ZNF385D: variants seen among roughly 807,000 people sequenced by gnomAD.
The protein encoded by ZNF385D is zinc finger protein 659.
Under a neutral mutation model 35.8 loss-of-function variants are expected in ZNF385D, and 15 were observed. That is an observed-to-expected ratio of 0.42 (90% confidence interval 0.28 to 0.64). The LOEUF (loss-of-function observed/expected upper bound fraction) is 0.64. ZNF385D is among the 30% of genes least tolerant of loss of function. The probability of loss-of-function intolerance (pLI) is 0.23; values close to 1 mark genes in which losing one functional copy is unlikely to be tolerated. For synonymous variants in ZNF385D, 212 were observed against 186.8 expected, an observed-to-expected ratio of 1.13 and a Z score of -1.10; for missense variants, 474 against 494.6, an observed-to-expected ratio of 0.96 and a Z score of 0.39.
chr3:21,432,950 G>A (rs114589794), intron 5 of ZNF385D, among the ~76,000 whole-genome samples: 1,757 of 150,612 alleles, frequency 0.012, 27 homozygotes, highest in African/African-American at 0.04. Context: ...AATAATGCCA[G>A]GAGCAGCTGT....
chr3:22,180,914 C>CTTTTTT (rs61668943), intron 2 of ZNF385D, among the ~76,000 whole-genome samples: 5 of 112,966 alleles, frequency 4.4e-5, no homozygotes, highest in African/African-American at 1.3e-4. Flanking sequence ...TGCTTTTGTT[C>CTTTTTT]TTTTTTTTTT....
At chr3:21,972,450 G>A (rs930790381) in intron 3 of ZNF385D, among the ~76,000 whole-genome samples, 3 of 151,850 alleles carry the variant, frequency 2.0e-5, no homozygotes, top group African/African-American at 7.2e-5. Context: ...TAAGAGGAAA[G>A]TTTATAGCCA....
At chr3:22,008,592 G>C (rs1479509178) in intron 3 of ZNF385D, among the ~76,000 whole-genome samples, 2 of 152,046 alleles carry the variant, frequency 1.3e-5, no homozygotes, top group Non-Finnish European at 2.9e-5. Context: ...TCCTGACCTC[G>C]TGATCCGCCC....
intron 4 of ZNF385D, among the ~76,000 whole-genome samples, chr3:21,501,900 T>G (rs958531156): frequency 2.0e-5 from 3 of 152,200 alleles, no homozygotes; most frequent in African/African-American, 4.8e-5. Context: ...CAGATGTCTA[T>G]TATATCATAA....
At chr3:21,438,141 A>C (rs1701665453) in intron 4 of ZNF385D, among the ~76,000 whole-genome samples, 1 of 152,188 alleles carries the variant, frequency 6.6e-6, no homozygotes, top group African/African-American at 2.4e-5. Flanking sequence ...CAAATATGCC[A>C]ATCACTGTTA....
intron 3 of ZNF385D, among the ~76,000 whole-genome samples, chr3:21,908,118 A>ATATCTATCTATCTATCTATC (rs61001621): frequency 1.5e-5 from 2 of 135,654 alleles, no homozygotes; most frequent in Non-Finnish European, 1.6e-5. Flanking sequence ...CTTTCTCTCT[A>ATATCTATCTATCTATCTATC]TATCTATCTA....
At chr3:22,169,651 G>T (rs1302141787) in intron 2 of ZNF385D, among the ~76,000 whole-genome samples, 1 of 152,244 alleles carries the variant, frequency 6.6e-6, no homozygotes, top group African/African-American at 2.4e-5. Flanking sequence ...ACCCAAGATA[G>T]CCTTATAATC....
chr3:21,529,464 T>C (rs1214168790), intron 3 of ZNF385D, among the ~76,000 whole-genome samples: 3 of 152,158 alleles, frequency 2.0e-5, no homozygotes, highest in Non-Finnish European at 4.4e-5. Flanking sequence ...TTCCTGGCTG[T>C]CCTTTCTCAT....
chr3:21,849,323 A>G (rs1696223494), intron 3 of ZNF385D, among the ~76,000 whole-genome samples: 1 of 152,226 alleles, frequency 6.6e-6, no homozygotes, highest in African/African-American at 2.4e-5. Context: ...CAAAAGAATG[A>G]GCTAATACTT....
intron 3 of ZNF385D, among the ~76,000 whole-genome samples, chr3:22,115,865 T>C (rs1468824991): frequency 2.0e-5 from 3 of 152,054 alleles, no homozygotes; most frequent in Non-Finnish European, 4.4e-5. Context: ...TTCCTTAAAA[T>C]AAAACTATCT....
intron 3 of ZNF385D, among the ~76,000 whole-genome samples, chr3:21,977,644 C>T (rs541987761): frequency 3.2e-4 from 48 of 151,950 alleles, no homozygotes; most frequent in Non-Finnish European, 6.0e-4. Flanking sequence ...CACATGAAAA[C>T]GCCATCTCTA....
chr3:22,221,322 CTG>C (rs1698241496), intron 2 of ZNF385D, among the ~76,000 whole-genome samples: 1 of 151,894 alleles, frequency 6.6e-6, no homozygotes, highest in South Asian at 2.1e-4. Context: ...GTTATAAAAC[CTG>C]TGTATTTATT....
intron 3 of ZNF385D, among the ~76,000 whole-genome samples, chr3:21,925,709 A>G (rs1314877217): frequency 6.6e-6 from 1 of 152,148 alleles, no homozygotes; most frequent in African/African-American, 2.4e-5. Flanking sequence ...CTGAGAAAAT[A>G]TTTACAAACC....
intron 3 of ZNF385D, among the ~76,000 whole-genome samples, chr3:22,146,636 C>T (rs1033928952): frequency 6.6e-6 from 1 of 152,040 alleles, no homozygotes; most frequent in East Asian, 1.9e-4. Flanking sequence ...TAACTTTTCT[C>T]TAATATTTGT....
chr3:21,895,273 G>T (rs867503068), intron 3 of ZNF385D, among the ~76,000 whole-genome samples: 1 of 149,418 alleles, frequency 6.7e-6, no homozygotes, highest in South Asian at 2.1e-4. Flanking sequence ...CCTACAAGTA[G>T]CTGGAAGATG....
chr3:22,197,320 G>T (rs1442425417), intron 2 of ZNF385D, among the ~76,000 whole-genome samples: 1 of 151,918 alleles, frequency 6.6e-6, no homozygotes, highest in African/African-American at 2.4e-5. Context: ...ACCTGCATTA[G>T]AACTTTTCAT....
intron 3 of ZNF385D, among the ~76,000 whole-genome samples, chr3:21,890,330 G>C (rs1698784587): frequency 6.6e-6 from 1 of 152,062 alleles, no homozygotes; most frequent in Admixed American, 6.6e-5. Flanking sequence ...TATAATAAAA[G>C]TTATGGGGCC....
rs146351569 is a variant in ZNF385D, at chr3:22,300,796, T to G, written c.106+71654A>C. Among the ~76,000 whole-genome samples, 263 of 152,064 alleles carry G rather than the reference T, an allele frequency of 1.7e-3. 1 individual carries two copies. The highest frequency in any genetic ancestry group is 6.3e-3 in the African/African-American group (261 of 41,542). On this transcript the variant is annotated intron_variant, in intron 2 of 5. Transcript: ENST00000494108. ...CAAAAAGACAAAAGATAAAAGTTGG[T>G]AATAACATGGAAAAAAGGGAATCCA...
intron 3 of ZNF385D, among the ~76,000 whole-genome samples, chr3:22,064,987 ATGT>A (rs1553601855): frequency 6.6e-6 from 1 of 152,226 alleles, no homozygotes; most frequent in Non-Finnish European, 1.5e-5. Context: ...TGACGGTATA[ATGT>A]TGTAATTAAG....
Sources: allele counts gnomAD v4.1 joint callset (sites outside exome capture counted in the v4.1 genomes callset), GRCh38; gene constraint gnomAD v4.1.1; transcripts MANE v1.5; gene names NCBI Gene and HGNC (gene_info 2026-07-23, HGNC 2026-07-21).